The following EHMT1 variants were observed in gnomAD, a reference collection of about 807,000 sequenced individuals.
EHMT1 encodes histone-lysine N-methyltransferase EHMT1.
In EHMT1, 15 loss-of-function variants were observed where a neutral mutation model predicts 147.2. The ratio of observed to expected loss-of-function variants is 0.10; its 90% CI spans 0.07 to 0.16. EHMT1 has a LOEUF of 0.16. Ranked by LOEUF, EHMT1 falls within the 10% of genes least tolerant of loss-of-function variation. The probability of loss-of-function intolerance (pLI) is 1.00; values close to 1 mark genes in which losing one functional copy is unlikely to be tolerated. For missense variants in EHMT1, 1,587 were observed against 1,772.4 expected (o/e 0.90, Z 1.88); for synonymous variants, 795 against 709.6 (o/e 1.12, Z -1.91).
chr9:137,760,651 C>G (rs575977728), intron 9 of EHMT1, among the ~76,000 whole-genome samples: 3 of 152,288 alleles, frequency 2.0e-5, no homozygotes, highest in Admixed American at 2.0e-4. Context: ...TGACCAATAT[C>G]AGATTCCAAA....
At chr9:137,803,822 G>T (rs1953701083) in intron 18 of EHMT1, among the ~76,000 whole-genome samples, 1 of 148,344 alleles carries the variant, frequency 6.7e-6, no homozygotes. Context: ...CTGCACCCCA[G>T]CCTGTCTCAA....
At chr9:137,685,517 T>G (rs572882821) in intron 1 of EHMT1, among the ~76,000 whole-genome samples, 1 of 152,366 alleles carries the variant, frequency 6.6e-6, no homozygotes, top group East Asian at 1.9e-4. Context: ...CTGGCTCTTG[T>G]GAATAATGCT....
chr9:137,625,202 C>T (rs12336683), intron 1 of EHMT1, among the ~76,000 whole-genome samples: 5,343 of 152,110 alleles, frequency 0.035, 309 homozygotes, highest in African/African-American at 0.11. Context: ...CATTCTTAAC[C>T]GTTTGCAAGC....
chr9:137,672,483 A>G (rs998923476), intron 1 of EHMT1, among the ~76,000 whole-genome samples: 4 of 151,992 alleles, frequency 2.6e-5, no homozygotes, highest in Non-Finnish European at 5.9e-5. Flanking sequence ...AGGTTTTGAC[A>G]TGGTAACACT....
At chr9:137,697,912 A>AGG (rs1319311973) in intron 1 of EHMT1, among the ~76,000 whole-genome samples, 2 of 151,688 alleles carry the variant, frequency 1.3e-5, no homozygotes, top group African/African-American at 4.9e-5. Context: ...TCTGGTCCAA[A>AGG]GGGAGGATGG....
At chr9:137,748,499 T>G (rs1449866849) in intron 6 of EHMT1, among the ~76,000 whole-genome samples, 1 of 152,102 alleles carries the variant, frequency 6.6e-6, no homozygotes, top group African/African-American at 2.4e-5. Flanking sequence ...AGGTACCCAC[T>G]GGGAACGGAA....
At chr9:137,763,150 G>A (rs554349034) in intron 10 of EHMT1, 185 of 537,506 alleles carry the variant, frequency 3.4e-4, no homozygotes, top group African/African-American at 3.3e-3. Flanking sequence ...AGGCAGGATA[G>A]TCACACCAAG....
chr9:137,814,407 A>AC (rs1334462462), intron 21 of EHMT1, 24 bp from the exon 22 acceptor site: 24 of 1,609,704 alleles, frequency 1.5e-5, no homozygotes, highest in Admixed American at 5.0e-5. Flanking sequence ...TGCACGTCTG[A>AC]CCCCCCGGCG....
Position 137,811,363 on chromosome 9 carries a change from C to T in EHMT1, c.2713-98C>T, listed in dbSNP as rs990542406. On this transcript the variant is annotated intron_variant, in intron 18 of 26. Transcript: ENST00000460843. The stretch of plus-strand genomic sequence containing the variant: ...GCGGACGGCCACGCATGCTCCAGAG[C>T]CTCTCCCCGGGCACATGGGCTGCAG... The T allele has an allele frequency of 7.0e-6, 11 of 1,561,060 alleles. No homozygotes were observed. The Admixed American group carries it at 1.0e-4, about 14-fold the overall frequency.
rs377213173 is a variant in EHMT1, at chr9:137,692,267, C to CTTTCT, written c.22-18697_22-18696insCTTTT. Among the ~76,000 whole-genome samples the CTTTCT allele has an allele frequency of 3.8e-3, 447 of 118,386 alleles. 2 individuals carry two copies. Among genetic ancestry groups the CTTTCT allele is most frequent in the African/African-American group, 0.014 (427 of 31,278 alleles). The allele number at this position is 118,386 out of a possible 152,430, so 77.7% of individuals were successfully genotyped here. A position where few individuals can be genotyped will look rare whatever the true frequency, so the allele number is the denominator to read the frequency against. On this transcript the variant is annotated intron_variant, in intron 1 of 26. Transcript: ENST00000460843. The stretch of plus-strand genomic sequence containing the variant: ...TTTTCTTTTCTTTCTTTCTTTCTTT[C>CTTTCT]TTTTTTTTTTTTTTTGAGACAGAGC...
intron 16 of EHMT1, among the ~76,000 whole-genome samples, chr9:137,793,806 G>A (rs1169577956): frequency 1.3e-5 from 2 of 152,326 alleles, no homozygotes; most frequent in African/African-American, 4.8e-5. Context: ...AATCCTGTAC[G>A]ATGTGACCGA....
At chr9:137,711,403 C>T (rs182666207) in intron 2 of EHMT1, among the ~76,000 whole-genome samples, 2 of 152,314 alleles carry the variant, frequency 1.3e-5, no homozygotes, top group East Asian at 3.9e-4. Context: ...GATCGTGGTA[C>T]ATCCACACAG....
chr9:137,776,287 C>T lies in EHMT1; in HGVS notation c.1792-331C>T, dbSNP rs1950951598. ...TGAGGTGCTGTCGTCTGTCCCTGTC[C>T]CTATCCGCCCTTCAGAGTAGGGGCC... On this transcript the variant is annotated intron_variant, in intron 11 of 26. Coordinates refer to ENST00000460843, the MANE Select transcript of EHMT1 (RefSeq NM_024757.5). The surrounding 1 kb of genome is among the most constrained non-coding windows in gnomAD (Gnocchi z 4.4). 6.6e-6 allele frequency among the ~76,000 whole-genome samples: 1 copy of T among 152,168 alleles called. No individual in the cohort carries two copies. The highest frequency in any genetic ancestry group is 2.4e-5 in the African/African-American group (1 of 41,450).
At chr9:137,770,164 T>C (rs976507420) in intron 10 of EHMT1, among the ~76,000 whole-genome samples, 2 of 152,208 alleles carry the variant, frequency 1.3e-5, no homozygotes, top group African/African-American at 4.8e-5. Flanking sequence ...CTTGTGTTTT[T>C]TTCTTTCTTT....
intron 1 of EHMT1, among the ~76,000 whole-genome samples, chr9:137,684,264 C>T (rs1409156380): frequency 2.0e-5 from 3 of 152,132 alleles, no homozygotes; most frequent in African/African-American, 7.2e-5. Context: ...AACTCCTGGA[C>T]TCAAGCAATC....
chr9:137,767,113 G>A (rs1342472646), intron 10 of EHMT1, among the ~76,000 whole-genome samples: 2 of 152,092 alleles, frequency 1.3e-5, no homozygotes, highest in Non-Finnish European at 2.9e-5. Flanking sequence ...GTGAGCCACC[G>A]TGCCCAGCCT....
intron 3 of EHMT1, among the ~76,000 whole-genome samples, chr9:137,718,567 T>C (rs531020829): frequency 1.3e-5 from 2 of 152,272 alleles, no homozygotes; most frequent in Admixed American, 1.3e-4. Flanking sequence ...TTTCTTCCCA[T>C]GGAGCTCCTC....
At chr9:137,774,899 TC>T (rs1284212792) in intron 10 of EHMT1, among the ~76,000 whole-genome samples, 5 of 152,182 alleles carry the variant, frequency 3.3e-5, no homozygotes, top group Non-Finnish European at 7.3e-5. Flanking sequence ...GGCGTTTCCT[TC>T]TCTGGGCTCC....
chr9:137,668,717 C>G (rs1940002219), intron 1 of EHMT1, among the ~76,000 whole-genome samples: 1 of 144,446 alleles, frequency 6.9e-6, no homozygotes, highest in African/African-American at 2.7e-5. Context: ...ACTTCTTTCA[C>G]TTAACTTAGT....
Sources: allele counts gnomAD v4.1 joint callset (sites outside exome capture counted in the v4.1 genomes callset), GRCh38; gene constraint gnomAD v4.1.1; non-coding constraint Gnocchi (gnomAD v3.1); transcripts MANE v1.5; gene names NCBI Gene and HGNC (gene_info 2026-07-23, HGNC 2026-07-21).